Variants in CDH19 observed in about 807,000 individuals in gnomAD.
CDH19 encodes the protein cadherin 19, also known as cadherin-19.
In CDH19, 67 loss-of-function variants were observed where a neutral mutation model predicts 64.2. The ratio of observed to expected loss-of-function variants is 1.04; its 90% CI spans 0.86 to 1.28. The LOEUF is 1.28. Among genes scored for constraint, CDH19 ranks in the 50% most tolerant of loss-of-function variants. The probability of loss-of-function intolerance (pLI) is 0.00; values close to 1 mark genes in which losing one functional copy is unlikely to be tolerated. For synonymous variants in CDH19, 346 were observed against 319.3 expected, an observed-to-expected ratio of 1.08 and a Z score of -0.89; for missense variants, 1,030 against 929.0, an observed-to-expected ratio of 1.11 and a Z score of -1.41.
At chr18:66,599,863 GA>G (rs1300694517) in intron 1 of CDH19, among the ~76,000 whole-genome samples, 2 of 151,884 alleles carry the variant, frequency 1.3e-5, no homozygotes, top group Non-Finnish European at 2.9e-5. Context: ...AAACAAAACA[GA>G]AGTGTTTTGA....
chr18:66,562,035 T>C (rs1987741560), intron 3 of CDH19, among the ~76,000 whole-genome samples: 1 of 152,074 alleles, frequency 6.6e-6, no homozygotes, highest in Non-Finnish European at 1.5e-5. Flanking sequence ...AATCACATTC[T>C]TTGCAGAAAC....
rs1432754739 is a variant in CDH19 at position 66,509,814 on chromosome 18, T to G, written c.1577-568A>C. ...AAAGCACATGATCTCAAATACTATA[T>G]TTTCTAATTAGACAAAATAATTTCA... On this transcript the variant is annotated intron_variant, in intron 10 of 11. Transcript: ENST00000262150. Among the ~76,000 whole-genome samples the G allele has an allele frequency of 4.0e-5, 6 of 151,872 alleles. No homozygotes were observed. The East Asian group carries it at 1.2e-3, about 29-fold the overall frequency.
At chr18:66,563,739 C>T (rs1280655472) in intron 3 of CDH19, among the ~76,000 whole-genome samples, 1 of 151,906 alleles carries the variant, frequency 6.6e-6, no homozygotes, top group Admixed American at 6.6e-5. Context: ...CCTAAAGTCT[C>T]GAAGTGAAAC....
intron 1 of CDH19, among the ~76,000 whole-genome samples, chr18:66,577,445 T>A (rs1158498223): frequency 6.6e-6 from 1 of 151,936 alleles, no homozygotes; most frequent in East Asian, 1.9e-4. Context: ...TCAATTGATT[T>A]TTGAAAAAGT....
chr18:66,581,190 T>C (rs1262030591), intron 1 of CDH19, among the ~76,000 whole-genome samples: 1 of 150,604 alleles, frequency 6.6e-6, no homozygotes, highest in African/African-American at 2.4e-5. Context: ...CCTGGGAATG[T>C]TAATCCATAT....
intron 3 of CDH19, among the ~76,000 whole-genome samples, chr18:66,562,989 A>G (rs1987777054): frequency 6.6e-6 from 1 of 152,100 alleles, no homozygotes; most frequent in Non-Finnish European, 1.5e-5. Flanking sequence ...GGATGAAACT[A>G]TTCTCATGCA....
At chr18:66,592,191 T>C (rs1988765393) in intron 1 of CDH19, among the ~76,000 whole-genome samples, 1 of 151,880 alleles carries the variant, frequency 6.6e-6, no homozygotes, top group Admixed American at 6.6e-5. Context: ...ATTTACCTCC[T>C]ATTACCTCCA....
At chr18:66,511,085 T>C (rs931528170) in intron 10 of CDH19, among the ~76,000 whole-genome samples, 2 of 151,790 alleles carry the variant, frequency 1.3e-5, no homozygotes, top group African/African-American at 4.8e-5. Context: ...ATCCTTAGAT[T>C]GATACAAATT....
At chr18:66,522,114 T>A (rs1253252405) in intron 9 of CDH19, among the ~76,000 whole-genome samples, 1 of 150,356 alleles carries the variant, frequency 6.7e-6, no homozygotes, top group East Asian at 2.0e-4. Context: ...GCCCGGCAAT[T>A]TTTTTTTGTA....
intron 1 of CDH19, among the ~76,000 whole-genome samples, chr18:66,597,050 C>T (rs1988912721): frequency 7.8e-6 from 1 of 128,548 alleles, no homozygotes; most frequent in Admixed American, 8.4e-5. Flanking sequence ...CCACTGCACT[C>T]CAGCCTGGGC....
At chr18:66,570,461 T>C (rs1182767508) in intron 2 of CDH19, among the ~76,000 whole-genome samples, 1 of 151,768 alleles carries the variant, frequency 6.6e-6, no homozygotes, top group East Asian at 1.9e-4. Flanking sequence ...ATTAGGCTGC[T>C]ACTATCAATT....
chr18:66,542,886 C>A (rs1290396210), intron 7 of CDH19, among the ~76,000 whole-genome samples: 1 of 152,184 alleles, frequency 6.6e-6, no homozygotes, highest in Non-Finnish European at 1.5e-5. Context: ...ATTCTGAAAC[C>A]ATTCCCCTTC....
chr18:66,590,362 T>C (rs1307357928), intron 1 of CDH19, among the ~76,000 whole-genome samples: 2 of 152,088 alleles, frequency 1.3e-5, no homozygotes, highest in African/African-American at 4.8e-5. Context: ...ATTATGTTGC[T>C]ATTTTATAAA....
chr18:66,598,158 C>T (rs1487709174), intron 1 of CDH19, among the ~76,000 whole-genome samples: 1 of 151,986 alleles, frequency 6.6e-6, no homozygotes, highest in Non-Finnish European at 1.5e-5. Flanking sequence ...CAGATGCTGG[C>T]AAATTTGCAT....
chr18:66,573,403 A>G (rs1988167120), intron 1 of CDH19, among the ~76,000 whole-genome samples: 2 of 151,578 alleles, frequency 1.3e-5, no homozygotes, highest in Non-Finnish European at 3.0e-5. Flanking sequence ...TTAAGAAAGT[A>G]CACAGGGATT....
chr18:66,537,921 T>C (rs1383355320), intron 7 of CDH19, among the ~76,000 whole-genome samples: 1 of 152,088 alleles, frequency 6.6e-6, no homozygotes, highest in Non-Finnish European at 1.5e-5. Flanking sequence ...GTATATATAT[T>C]AAGAAGGCAT....
intron 10 of CDH19, among the ~76,000 whole-genome samples, chr18:66,511,070 A>G (rs1407113397): frequency 6.6e-6 from 1 of 151,832 alleles, no homozygotes; most frequent in Non-Finnish European, 1.5e-5. Context: ...TCTTTGGAAC[A>G]CTTAATCCTT....
At chr18:66,538,811 T>C (rs983007071) in intron 7 of CDH19, among the ~76,000 whole-genome samples, 1 of 152,088 alleles carries the variant, frequency 6.6e-6, no homozygotes, top group African/African-American at 2.4e-5. Flanking sequence ...AGTCTTCCAC[T>C]TGTAGACGCA....
intron 9 of CDH19, among the ~76,000 whole-genome samples, chr18:66,518,331 T>G (rs1985829454): frequency 6.6e-6 from 1 of 152,084 alleles, no homozygotes; most frequent in South Asian, 2.1e-4. Flanking sequence ...CCTCCCAGGT[T>G]CAAGCGATTC....
Sources: allele counts gnomAD v4.1 joint callset (sites outside exome capture counted in the v4.1 genomes callset), GRCh38; gene constraint gnomAD v4.1.1; transcripts MANE v1.5; gene names NCBI Gene and HGNC (gene_info 2026-07-23, HGNC 2026-07-21).